Variants in KHDRBS2 observed in about 807,000 individuals in gnomAD.
The protein encoded by KHDRBS2 is KH domain-containing, RNA-binding, signal transduction-associated protein 2.
In KHDRBS2, 26 loss-of-function variants were observed where a neutral mutation model predicts 44.3. That is an observed-to-expected ratio of 0.59 (90% CI 0.43 to 0.81). The LOEUF is 0.81. KHDRBS2 is among the 40% of genes least tolerant of loss of function. The probability of loss-of-function intolerance (pLI) is 0.00; values close to 1 mark genes in which losing one functional copy is unlikely to be tolerated. For synonymous variants in KHDRBS2, 194 were observed against 151.1 expected, an observed-to-expected ratio of 1.28 and a Z score of -2.08; for missense variants, 476 against 433.1, an observed-to-expected ratio of 1.10 and a Z score of -0.88.
At chr6:61,565,308 G>A in the KHDRBS2 span, among the ~76,000 whole-genome samples, 5 of 151,900 alleles carry the variant, frequency 3.3e-5, no homozygotes, top group South Asian at 1.0e-3. Context: ...AAGCAAAAAT[G>A]GACAAATGGG....
chr6:62,198,239 G>T (rs1417310781), intron 1 of KHDRBS2, among the ~76,000 whole-genome samples: 1 of 152,064 alleles, frequency 6.6e-6, no homozygotes. Flanking sequence ...ACTAAGATCA[G>T]AGCAGAACTG....
At chr6:61,910,302 G>A (rs1405706639) in intron 4 of KHDRBS2, among the ~76,000 whole-genome samples, 3 of 152,144 alleles carry the variant, frequency 2.0e-5, no homozygotes, top group South Asian at 2.1e-4. Context: ...CAGAAAAAAC[G>A]CATTATTAAA....
At chr6:61,636,243 CT>C in the KHDRBS2 span, among the ~76,000 whole-genome samples, 1 of 151,968 alleles carries the variant, frequency 6.6e-6, no homozygotes, top group Non-Finnish European at 1.5e-5. Flanking sequence ...ATCCTCTTTA[CT>C]TTACTTTCAA....
At chr6:62,044,748 AG>A (rs1280389492) in intron 3 of KHDRBS2, among the ~76,000 whole-genome samples, 1 of 152,052 alleles carries the variant, frequency 6.6e-6, no homozygotes, top group African/African-American at 2.4e-5. Flanking sequence ...TTGGATAAAA[AG>A]ATTGGCAGTT....
chr6:62,196,835 A>G (rs1825812816), intron 1 of KHDRBS2, among the ~76,000 whole-genome samples: 1 of 152,044 alleles, frequency 6.6e-6, no homozygotes, highest in South Asian at 2.1e-4. Context: ...TGCTGGCTCG[A>G]CATGCTCACA....
intron 6 of KHDRBS2, among the ~76,000 whole-genome samples, chr6:61,795,144 C>CAAAAAAAAAAAAAAAAAA (rs1166333660): frequency 1.7e-4 from 10 of 59,670 alleles, no homozygotes; most frequent in African/African-American, 4.3e-4. Context: ...GACTCCGTCT[C>CAAAAAAAAAAAAAAAAAA]AAAAAAAAAA....
At chr6:61,813,047 T>C (rs1788374315) in intron 6 of KHDRBS2, among the ~76,000 whole-genome samples, 1 of 152,106 alleles carries the variant, frequency 6.6e-6, no homozygotes, top group African/African-American at 2.4e-5. Context: ...TTATATGTAA[T>C]GTGCAAAGTA....
At chr6:61,897,044 T>C (rs1021966176) in intron 5 of KHDRBS2, among the ~76,000 whole-genome samples, 10 of 152,218 alleles carry the variant, frequency 6.6e-5, no homozygotes, top group African/African-American at 2.4e-4. Context: ...GATCTCATGG[T>C]TGCACCCTGC....
intron 4 of KHDRBS2, among the ~76,000 whole-genome samples, chr6:61,944,801 A>C (rs1480852943): frequency 6.6e-6 from 1 of 151,846 alleles, no homozygotes; most frequent in Non-Finnish European, 1.5e-5. Context: ...TCAGTAAAAA[A>C]CATATGAGGC....
At chr6:62,052,425 T>A (rs990980668) in intron 2 of KHDRBS2, among the ~76,000 whole-genome samples, 4 of 151,240 alleles carry the variant, frequency 2.6e-5, no homozygotes, top group African/African-American at 7.3e-5. Flanking sequence ...TGAAAAAAAA[T>A]ACCAAGAAAA....
chr6:61,696,269 A>G (rs1463325145), intron 8 of KHDRBS2, among the ~76,000 whole-genome samples: 1 of 150,844 alleles, frequency 6.6e-6, no homozygotes, highest in Non-Finnish European at 1.5e-5. Context: ...TTATTTATTT[A>G]TTTTTGAGAC....
At chr6:62,009,423 C>T (rs1779871440) in intron 3 of KHDRBS2, among the ~76,000 whole-genome samples, 1 of 152,142 alleles carries the variant, frequency 6.6e-6, no homozygotes, top group African/African-American at 2.4e-5. Context: ...ATAGTTGGAG[C>T]TTGACAATGT....
intron 3 of KHDRBS2, among the ~76,000 whole-genome samples, chr6:62,012,829 C>G (rs1312817769): frequency 2.6e-5 from 4 of 152,196 alleles, no homozygotes; most frequent in Non-Finnish European, 4.4e-5. Flanking sequence ...CATAGCACTA[C>G]TCACAACCTG....
chr6:61,642,121 T>C, the KHDRBS2 span, among the ~76,000 whole-genome samples: 1 of 152,112 alleles, frequency 6.6e-6, no homozygotes, highest in African/African-American at 2.4e-5. Context: ...AAACAGAAAA[T>C]AATCCCAGTT....
chr6:61,967,914 A>G (rs1270101345), intron 4 of KHDRBS2, among the ~76,000 whole-genome samples: 1 of 137,920 alleles, frequency 7.3e-6, no homozygotes, highest in Non-Finnish European at 1.5e-5. Context: ...ATATATATAT[A>G]CACATGCATA....
intron 6 of KHDRBS2, among the ~76,000 whole-genome samples, chr6:61,775,597 A>G (rs889294812): frequency 3.9e-5 from 6 of 152,300 alleles, no homozygotes; most frequent in Non-Finnish European, 8.8e-5. Context: ...GACGTGAAGG[A>G]CCTCTTCAAG....
intron 6 of KHDRBS2, among the ~76,000 whole-genome samples, chr6:61,875,194 G>C (rs1326861330): frequency 1.4e-5 from 2 of 144,756 alleles, no homozygotes; most frequent in East Asian, 4.0e-4. Context: ...GGCAGGGAGG[G>C]AGAGAGAGAG....
intron 1 of KHDRBS2, among the ~76,000 whole-genome samples, chr6:62,192,493 C>A (rs1824834841): frequency 6.6e-6 from 1 of 152,000 alleles, no homozygotes; most frequent in Non-Finnish European, 1.5e-5. Flanking sequence ...TGGCATTCAC[C>A]ATTTAGACTC....
the KHDRBS2 span, among the ~76,000 whole-genome samples, chr6:61,623,395 A>C: frequency 6.6e-6 from 1 of 152,134 alleles, no homozygotes; most frequent in Non-Finnish European, 1.5e-5. Context: ...ACATTATAAC[A>C]CAGGTCTCTG....
Sources: gnomAD v4.1 joint callset for allele counts (sites outside exome capture counted in the v4.1 genomes callset) on GRCh38, gnomAD v4.1.1 for gene constraint, MANE v1.5 for transcripts, NCBI Gene and HGNC (gene_info 2026-07-23, HGNC 2026-07-21) for gene names.